GPR143: variants seen among roughly 807,000 people sequenced by gnomAD.
GPR143 encodes the protein G-protein coupled receptor 143.
A neutral mutation model predicts 27.6 loss-of-function variants in GPR143; 8 were observed. That is an observed-to-expected ratio of 0.29 (90% CI 0.17 to 0.52). The LOEUF (loss-of-function observed/expected upper bound fraction) is 0.52. GPR143 is among the 20% of genes least tolerant of loss of function. GPR143 has a pLI of 0.96. For synonymous variants in GPR143, 156 were observed against 153.2 expected (o/e 1.02, Z -0.13); for missense variants, 303 against 343.1 (o/e 0.88, Z 0.92).
chrX:9,764,751 G>T (rs2083520597), intron 1 of GPR143, among the ~76,000 whole-genome samples: 1 of 111,716 alleles, frequency 9.0e-6, no homozygotes, highest in African/African-American at 3.3e-5. Context: ...AGTCGGCCGG[G>T]CGCGGTGGCT....
intron 7 of GPR143, 26 bp downstream of exon 7, chrX:9,741,312 T>C (rs764625683): frequency 1.6e-6 from 1 of 620,583 alleles, no homozygotes; most frequent in Non-Finnish European, 2.6e-6. Context: ...AATTAACTAA[T>C]TAAAATAAAA....
chrX:9,744,726 G>C (rs374543187), intron 5 of GPR143, among the ~76,000 whole-genome samples: 1 of 111,761 alleles, frequency 8.9e-6, no homozygotes, highest in Non-Finnish European at 1.9e-5. Flanking sequence ...AATAGTGCAC[G>C]CTTGTTAAAA....
At position 9,765,596 on chromosome X, in the gene GPR143, G is replaced by C. The variant is rs895737952; in HGVS notation, c.222C>G (p.Ala74=). Reference sequence around the variant, plus strand: ...GGCAGCCGAGAAGGTCGCAGGCAGCGGCAGCGCGCAGGATGCGGACCGAGG... The same window carrying C: ...GGCAGCCGAGAAGGTCGCAGGCAGCCGCAGCGCGCAGGATGCGGACCGAGG... ...PPASVRILRA[A]AACDLLGCLG... is the part of the protein sequence containing the mutation. Residue 74 remains alanine, a synonymous_variant, in exon 1 of 9, where the codon GCC becomes GCG. Transcript: ENST00000467482. The C allele has an allele frequency of 1.5e-5, 16 of 1,050,470 alleles. No homozygotes were observed. The highest frequency in any genetic ancestry group is 2.0e-5 in the Non-Finnish European group (16 of 817,665). The allele number at this position is 1,050,470 out of a possible 1,213,427, so 86.6% of individuals were successfully genotyped here. A position where few individuals can be genotyped will look rare whatever the true frequency, so the allele number is the denominator to read the frequency against.
rs73194156 is a variant in GPR143 at position 9,778,215 on chromosome X, C to G, written c.-3+8027G>C. ...AGATAGGGAGGGATGGAAGAACCAA[C>G]AAGGCCCCAAATATTCCTGAGGTCT... On this transcript the variant is annotated intron_variant, in intron 1 of 7. Coordinates refer to the GPR143 transcript ENST00000447366. Among the ~76,000 whole-genome samples the G allele has an allele frequency of 8.3e-3, 928 of 112,274 alleles. 6 individuals are homozygous for G. Among genetic ancestry groups the G allele is most frequent in the Non-Finnish European group, 0.013 (685 of 53,214 alleles).
chrX:9,740,061 G>A (rs946991296), intron 7 of GPR143, among the ~76,000 whole-genome samples: 11 of 110,424 alleles, frequency 1.0e-4, no homozygotes, highest in African/African-American at 3.3e-4. Context: ...GGGAGGAGAG[G>A]GTGGGGGAGG....
intron 5 of GPR143, among the ~76,000 whole-genome samples, chrX:9,743,976 A>G: frequency 8.9e-6 from 1 of 112,799 alleles, no homozygotes; most frequent in Non-Finnish European, 1.9e-5. Flanking sequence ...CCTCAATGTA[A>G]GCATCTTATG....
intron 8 of GPR143, chrX:9,738,229 T>C (rs2083387074): frequency 8.5e-6 from 1 of 117,528 alleles, no homozygotes. Flanking sequence ...ACTTTTACTG[T>C]TATTTCTAGT....
chrX:9,765,461 A>T, intron 1 of GPR143, 107 bp downstream of exon 1: 1 of 761,222 alleles, frequency 1.3e-6, no homozygotes, highest in Non-Finnish European at 1.7e-6. Flanking sequence ...CCAAATCCAC[A>T]GGCCGTGCGC....
chrX:9,743,840 A>G (rs1264294855), intron 5 of GPR143, among the ~76,000 whole-genome samples, 167 bp from the exon 6 acceptor site: 1 of 112,554 alleles, frequency 8.9e-6, no homozygotes, highest in Non-Finnish European at 1.9e-5. Context: ...GAGTCCTCAT[A>G]GACCCTAAGG....
intron 8 of GPR143, chrX:9,726,080 C>G: frequency 1.8e-6 from 1 of 557,038 alleles, no homozygotes; most frequent in Non-Finnish European, 2.2e-6. Flanking sequence ...GACACAAGCC[C>G]TACAGAATCA....
chrX:9,767,790 C>G (rs1395832086), upstream of GPR143, among the ~76,000 whole-genome samples: 2 of 112,522 alleles, frequency 1.8e-5, no homozygotes, highest in Non-Finnish European at 3.7e-5. Context: ...AGCTTGAATT[C>G]TAATATCTAA....
Position 9,759,322 on chromosome X carries a change from C to G in GPR143, c.455+10G>C. The stretch of plus-strand genomic sequence containing the variant: ...AACTAGGGCAGAAATCCCATTTCCT[C>G]GGTGAATACCTCAGTCCTGCCGATC... On this transcript the variant is annotated intron_variant, in intron 3 of 8. Coordinates refer to ENST00000467482, the MANE Select transcript of GPR143 (RefSeq NM_000273.3). 1 of 1,099,192 alleles carries G rather than the reference C, an allele frequency of 9.1e-7. No individual in the cohort carries two copies. 90.6% of individuals were successfully genotyped at this position (1,099,192 alleles called of 1,213,427 possible).
At chrX:9,742,437 T>C (rs754731982) in intron 6 of GPR143, among the ~76,000 whole-genome samples, 13 of 111,114 alleles carry the variant, frequency 1.2e-4, no homozygotes, top group African/African-American at 4.3e-4. Context: ...CCTGGCTAAT[T>C]GTTGTTGTTG....
chrX:9,759,508 C>T (rs973943974), intron 2 of GPR143, 82 bp from the exon 3 acceptor site: 31 of 642,806 alleles, frequency 4.8e-5, no homozygotes, highest in Non-Finnish European at 6.8e-5. Context: ...GCAGGGTAGA[C>T]ACTGGCTTCC....
At chrX:9,750,994 T>C (rs1569121054) in intron 3 of GPR143, among the ~76,000 whole-genome samples, 1 of 112,750 alleles carries the variant, frequency 8.9e-6, no homozygotes, top group Non-Finnish European at 1.9e-5. Context: ...TTACTCCTCT[T>C]ACAGCCTCAT....
upstream of GPR143, among the ~76,000 whole-genome samples, chrX:9,769,617 T>C (rs7056092): frequency 6.4e-3 from 716 of 111,994 alleles, 10 homozygotes; most frequent in African/African-American, 0.022. Flanking sequence ...AGTCTCACTA[T>C]ATCATCCAGG....
intron 5 of GPR143, among the ~76,000 whole-genome samples, chrX:9,744,210 G>A (rs771729759): frequency 9.0e-6 from 1 of 110,601 alleles, no homozygotes; most frequent in Non-Finnish European, 1.9e-5. Context: ...GGTGGTGCAC[G>A]TCTGTAATCC....
intron 1 of GPR143, among the ~76,000 whole-genome samples, chrX:9,775,654 C>A (rs1476313649): frequency 9.0e-6 from 1 of 111,673 alleles, no homozygotes; most frequent in Non-Finnish European, 1.9e-5. Flanking sequence ...ACTGGGGATG[C>A]CCCTTGCAGT....
chrX:9,748,482 C>T lies in GPR143; in HGVS notation c.548+92G>A, dbSNP rs1162983694. 16 of 609,745 alleles carry T rather than the reference C, an allele frequency of 2.6e-5. No individual in the cohort carries two copies. In the Admixed American group the frequency reaches 4.1e-4, roughly 15 times the overall value. 50.2% of individuals were successfully genotyped at this position (609,745 alleles called of 1,213,427 possible). On this transcript the variant is annotated intron_variant, in intron 4 of 8. Transcript: ENST00000467482. ...ACAACGGCCTAACCTCCAAGGCACC[C>T]ACTCTGTGGGTCGGGGCTCATGTAT...
Sources: allele counts gnomAD v4.1 joint callset (sites outside exome capture counted in the v4.1 genomes callset), GRCh38; gene constraint gnomAD v4.1.1; transcripts MANE v1.5; gene names NCBI Gene and HGNC (gene_info 2026-07-23, HGNC 2026-07-21).